Variants in TF observed in about 807,000 individuals in gnomAD.
TF encodes serotransferrin.
In TF, 55 loss-of-function variants were observed where a neutral mutation model predicts 82.4. That is an observed-to-expected ratio of 0.67 (90% CI 0.54 to 0.84). The LOEUF (loss-of-function observed/expected upper bound fraction) is 0.84, where lower values mean the gene tolerates loss of function less well. TF is among the 40% of genes least tolerant of loss of function. The pLI is 0.00. For synonymous variants in TF, 332 were observed against 332.6 expected (o/e 1.00, Z 0.02); for missense variants, 737 against 868.4 (o/e 0.85, Z 1.90).
chr3:133,769,048 C>T (rs1051493969), intron 13 of TF, among the ~76,000 whole-genome samples: 1 of 152,128 alleles, frequency 6.6e-6, no homozygotes, highest in African/African-American at 2.4e-5. Flanking sequence ...CCTGTCTTGG[C>T]CTCCCAAAGT....
At chr3:133,722,952 A>G in the TF span, among the ~76,000 whole-genome samples, 1 of 152,160 alleles carries the variant, frequency 6.6e-6, no homozygotes, top group Non-Finnish European at 1.5e-5. Flanking sequence ...ATTTCTTGTA[A>G]GGCTGGTCTT....
At chr3:133,714,983 C>A in the TF span, among the ~76,000 whole-genome samples, 1 of 151,992 alleles carries the variant, frequency 6.6e-6, no homozygotes, top group South Asian at 2.1e-4. Context: ...ACACCCAGCC[C>A]TTTAAGTTTC....
chr3:133,726,511 T>C, the TF span, among the ~76,000 whole-genome samples: 3 of 152,260 alleles, frequency 2.0e-5, no homozygotes, highest in Non-Finnish European at 4.4e-5. Context: ...ATATCCCCTT[T>C]ATCATTTTAT....
At chr3:133,733,123 G>A in the TF span, among the ~76,000 whole-genome samples, 1 of 152,126 alleles carries the variant, frequency 6.6e-6, no homozygotes, top group Non-Finnish European at 1.5e-5. Flanking sequence ...ACTTCTGGGG[G>A]CCCATTCATC....
At chr3:133,756,487 C>G in intron 6 of TF, 150 bp downstream of exon 6, 1 of 906,600 alleles carries the variant, frequency 1.1e-6, no homozygotes, top group Non-Finnish European at 1.8e-6. Context: ...GAGTTAGGTA[C>G]CTACGGGGTC....
the TF span, among the ~76,000 whole-genome samples, chr3:133,738,190 A>T: frequency 6.6e-6 from 1 of 152,236 alleles, no homozygotes; most frequent in African/African-American, 2.4e-5. Context: ...TCCATCACAT[A>T]AACAGAACCA....
chr3:133,689,946 T>C, the TF span, among the ~76,000 whole-genome samples: 1 of 152,154 alleles, frequency 6.6e-6, no homozygotes, highest in Non-Finnish European at 1.5e-5. Flanking sequence ...ATACTAGATT[T>C]AGATAAGTAT....
chr3:133,744,954 T>A (rs8177181), upstream of TF, among the ~76,000 whole-genome samples: 25,560 of 152,086 alleles, frequency 0.17, 2,276 homozygotes, highest in East Asian at 0.29. Context: ...GAAGATGGGG[T>A]TCACCTCACA....
At chr3:133,680,533 C>CTTT in the TF span, among the ~76,000 whole-genome samples, 1,150 of 145,260 alleles carry the variant, frequency 7.9e-3, 16 homozygotes, top group African/African-American at 0.023. Context: ...CTTTTCTTTT[C>CTTT]TTTTTTTTTT....
the TF span, among the ~76,000 whole-genome samples, chr3:133,665,697 C>A: frequency 6.6e-6 from 1 of 151,638 alleles, no homozygotes; most frequent in African/African-American, 2.4e-5. Context: ...GTAATCCCAG[C>A]ACTTTGGGAG....
the TF span, among the ~76,000 whole-genome samples, chr3:133,733,308 G>A: frequency 2.0e-5 from 3 of 152,190 alleles, no homozygotes; most frequent in African/African-American, 7.2e-5. Flanking sequence ...CTGTGACACA[G>A]GCTGCCTATT....
chr3:133,704,006 G>A, the TF span, among the ~76,000 whole-genome samples: 4 of 152,202 alleles, frequency 2.6e-5, no homozygotes, highest in Non-Finnish European at 5.9e-5. Context: ...ACACAGAGAT[G>A]TCCAGGGGGC....
chr3:133,770,674 C>A, intron 14 of TF, 102 bp downstream of exon 14: 1 of 1,198,880 alleles, frequency 8.3e-7, no homozygotes, highest in Non-Finnish European at 1.2e-6. Context: ...TGTACACTGT[C>A]AGACTTCAAA....
Position 133,796,481 on chromosome 3 carries a change from A to T in TF, c.*17861A>T, listed in dbSNP as rs1934975465. The T allele has an allele frequency of 6.6e-6, 1 of 152,274 alleles. No homozygotes were observed. Among genetic ancestry groups the T allele is most frequent in the Admixed American group, 6.5e-5 (1 of 15,284 alleles). The allele number at this position is 152,274 out of a possible 1,614,324, so 9.4% of individuals were successfully genotyped here. ...AGCTATGATGGGAAATGTCTTCTGT[A>T]TTTACATAGGGCATACACTGAGTAA... On this transcript the variant is annotated 3_prime_UTR_variant, in exon 17 of 17. Coordinates refer to ENST00000402696, the MANE Select transcript of TF (RefSeq NM_001063.4).
the TF span, among the ~76,000 whole-genome samples, chr3:133,722,451 G>C: frequency 5.3e-5 from 8 of 151,966 alleles, no homozygotes; most frequent in East Asian, 1.6e-3. Context: ...TGACATTTTT[G>C]TTAATTGTTT....
At chr3:133,759,098 A>C (rs1438065873) in intron 8 of TF, 77 bp from the exon 9 acceptor site, 1 of 1,577,214 alleles carries the variant, frequency 6.3e-7, no homozygotes, top group African/African-American at 1.3e-5. Flanking sequence ...ATTTGCATGA[A>C]GACAGTGAGT....
chr3:133,753,541 T>C (rs1933734287), intron 2 of TF, 54 bp from the exon 3 acceptor site: 1 of 1,515,734 alleles, frequency 6.6e-7, no homozygotes, highest in Admixed American at 1.7e-5. Context: ...TGGGTTGAGG[T>C]GGGCCTTCCT....
At chr3:133,677,429 G>A in the TF span, among the ~76,000 whole-genome samples, 1 of 152,170 alleles carries the variant, frequency 6.6e-6, no homozygotes, top group Admixed American at 6.6e-5. Context: ...ACGAGGTCAG[G>A]AGTTCAAGAC....
chr3:133,700,000 C>T, the TF span: 22 of 176,762 alleles, frequency 1.2e-4, no homozygotes, highest in Admixed American at 6.9e-4. Context: ...ACTCTGCCAA[C>T]GCTCTCTCCT....
Sources: gnomAD v4.1 joint callset for allele counts (sites outside exome capture counted in the v4.1 genomes callset) on GRCh38, gnomAD v4.1.1 for gene constraint, MANE v1.5 for transcripts, NCBI Gene and HGNC (gene_info 2026-07-23, HGNC 2026-07-21) for gene names.